Variants in PWWP3A observed in about 807,000 individuals in gnomAD.
PWWP3A encodes PWWP domain-containing DNA repair factor 3A.
A neutral mutation model predicts 79.0 loss-of-function variants in PWWP3A; 53 were observed. The observed-to-expected ratio is 0.67, with a 90% confidence interval of 0.54 to 0.84. The LOEUF is 0.84. Among genes scored for constraint, PWWP3A ranks in the 40% least tolerant of loss-of-function variants. PWWP3A has a pLI of 0.00. For missense variants in PWWP3A, 973 were observed against 948.0 expected (o/e 1.03, Z -0.35); for synonymous variants, 443 against 394.4 (o/e 1.12, Z -1.46).
chr19:1,362,005 G>A (rs547544579), intron 5 of PWWP3A: 60 of 343,610 alleles, frequency 1.7e-4, no homozygotes, highest in African/African-American at 1.1e-3. Context: ...CTTACGGCCC[G>A]CCTTCCCTTC....
intron 1 of PWWP3A, among the ~76,000 whole-genome samples, 176 bp downstream of exon 1, chr19:1,355,311 C>A (rs910152866): frequency 4.6e-5 from 7 of 151,910 alleles, no homozygotes; most frequent in Non-Finnish European, 1.0e-4. Flanking sequence ...GCCGTGGGCC[C>A]CTCACTTTGC....
chr19:1,360,969 TC>T lies in PWWP3A; in HGVS notation c.1051del (p.His351ThrfsTer61). The T allele has an allele frequency of 6.8e-7, 1 of 1,465,298 alleles. No individual in the cohort carries two copies. Among genetic ancestry groups the T allele is most frequent in the Non-Finnish European group, 9.0e-7 (1 of 1,108,636 alleles). The allele number at this position is 1,465,298 out of a possible 1,614,324, so 90.8% of individuals were successfully genotyped here. ...RSTARLGPPP[S>X]HASADATRCL... ...CACCGCCAGGCTGGGCCCGCCTCCC[TC>T]CCACGCCTCTGCGGATGCAACCAGA... On this transcript the variant is annotated frameshift_variant, in exon 5 of 14. Transcript: ENST00000591337. LOFTEE classifies it high-confidence loss of function. The surrounding 1 kb of genome is among the most constrained non-coding windows in gnomAD (Gnocchi z 4.4).
intron 2 of PWWP3A, among the ~76,000 whole-genome samples, 173 bp downstream of exon 2, chr19:1,356,622 T>TC (rs2081874946): frequency 6.6e-6 from 1 of 151,274 alleles, no homozygotes; most frequent in African/African-American, 2.4e-5. Flanking sequence ...GCTTCCAAGG[T>TC]TACACTTCCA....
rs1600138237 is a variant in PWWP3A, at chr19:1,377,512, G to C, written c.*936G>C. ...GGAGGCCCAACCGCGCTCCCGTCTGGAGAAGCGGCTTCCGGGGTGTGGCTG... is the reference window on the plus strand; with the variant it reads ...GGAGGCCCAACCGCGCTCCCGTCTGCAGAAGCGGCTTCCGGGGTGTGGCTG... On this transcript the variant is annotated 3_prime_UTR_variant, in exon 14 of 14. Coordinates refer to ENST00000591337, the MANE Select transcript of PWWP3A (RefSeq NM_001369789.1). 1 of 152,426 alleles carries C rather than the reference G, an allele frequency of 6.6e-6. No individual in the cohort carries two copies. The highest frequency in any genetic ancestry group is 2.4e-5 in the African/African-American group (1 of 41,484). 9.4% of individuals were successfully genotyped at this position (152,426 alleles called of 1,614,324 possible). A position where few individuals can be genotyped will look rare whatever the true frequency, so the allele number is the denominator to read the frequency against.
At chr19:1,363,778 ACACT>A (rs939814171) in intron 6 of PWWP3A, among the ~76,000 whole-genome samples, 1 of 152,178 alleles carries the variant, frequency 6.6e-6, no homozygotes, top group African/African-American at 2.4e-5. Flanking sequence ...TTCACAGCAG[ACACT>A]CACCCCAGTG....
chr19:1,366,795 T>C (rs946224195), intron 8 of PWWP3A, among the ~76,000 whole-genome samples: 1 of 152,242 alleles, frequency 6.6e-6, no homozygotes, highest in Non-Finnish European at 1.5e-5. Context: ...CACACGTGGA[T>C]GGATCAGCCG....
At position 1,370,780 on chromosome 19, in the gene PWWP3A, G is replaced by A. The variant is rs759191509; in HGVS notation, c.1688G>A (p.Arg563His). Reference sequence around the variant, plus strand: ...CCCTGCCGGAAAATGCTCCCCGACCGCTCGCGGGCCGCCCGGGACCGGGCC... The same window carrying A: ...CCCTGCCGGAAAATGCTCCCCGACCACTCGCGGGCCGCCCGGGACCGGGCC... ...RQPCRKMLPD[R>H]SRAARDRANQ... is the part of the protein sequence containing the mutation. The change falls in exon 12 of 14, where the codon CGC becomes CAC. Residue 563 changes from arginine to histidine, a missense_variant. Transcript: ENST00000591337. The A allele has an allele frequency of 1.1e-5, 17 of 1,537,820 alleles. No homozygotes were observed. The highest frequency in any genetic ancestry group is 5.5e-5 in the African/African-American group (4 of 72,986).
intron 3 of PWWP3A, 110 bp from the exon 4 acceptor site, chr19:1,358,284 G>A: frequency 9.5e-7 from 1 of 1,051,398 alleles, no homozygotes; most frequent in Non-Finnish European, 1.4e-6. Context: ...TTAAGTGGAA[G>A]GTTGAGGAGG....
chr19:1,375,529 T>A (rs1408485291), intron 13 of PWWP3A, among the ~76,000 whole-genome samples: 1 of 113,496 alleles, frequency 8.8e-6, no homozygotes, highest in African/African-American at 3.5e-5. Flanking sequence ...ATCATATAAT[T>A]TATATATTTT....
chr19:1,367,719 TG>T (rs1470653593), intron 9 of PWWP3A, among the ~76,000 whole-genome samples: 3 of 152,228 alleles, frequency 2.0e-5, no homozygotes, highest in African/African-American at 4.8e-5. Context: ...TCCTGCTCCC[TG>T]GATCTGCAGC....
rs559951908 is a variant in PWWP3A, at chr19:1,356,700, T to TA, written c.57+253dup. Reference sequence around the variant, plus strand: ...AGCTGTAAAAAGGCATGTAAGGCTGTAACTCAAGGAAAGATCTGGCAAGCA... The same window carrying TA: ...AGCTGTAAAAAGGCATGTAAGGCTGTAAACTCAAGGAAAGATCTGGCAAGCA... On this transcript the variant is annotated intron_variant, in intron 2 of 13. Coordinates refer to ENST00000591337, the MANE Select transcript of PWWP3A (RefSeq NM_001369789.1). 1.3e-4 allele frequency among the ~76,000 whole-genome samples: 20 copies of TA among 151,284 alleles called. No homozygotes were observed. In the South Asian group the frequency reaches 1.5e-3, roughly 11 times the overall value.
chr19:1,367,092 CAG>C lies in PWWP3A; in HGVS notation c.1362-67_1362-66del, dbSNP rs763034966. ...GGCCTCCACTGATCTTAATCAGAGACAGGGAAAGGTTTTTAGCTTATTAGAGG... is the reference window on the plus strand; with the variant it reads ...GGCCTCCACTGATCTTAATCAGAGACGGAAAGGTTTTTAGCTTATTAGAGG... On this transcript the variant is annotated intron_variant, in intron 8 of 13. Coordinates refer to ENST00000591337, the MANE Select transcript of PWWP3A (RefSeq NM_001369789.1). 36 of 1,304,382 alleles carry C rather than the reference CAG, an allele frequency of 2.8e-5. No individual in the cohort carries two copies. In the Admixed American group the frequency reaches 3.4e-4, roughly 12 times the overall value. 80.8% of individuals were successfully genotyped at this position (1,304,382 alleles called of 1,614,324 possible).
At chr19:1,366,180 C>T (rs1568943577) in intron 7 of PWWP3A, 125 bp from the exon 8 acceptor site, 8 of 1,062,214 alleles carry the variant, frequency 7.5e-6, no homozygotes, top group African/African-American at 3.2e-5. Context: ...CGGGAGACTT[C>T]GCTGGGGTCA....
rs2082210967 is a variant in PWWP3A, at chr19:1,369,741, G to T, written c.1549+95G>T. 3.6e-6 allele frequency: 5 copies of T among 1,370,762 alleles called. No individual in the cohort carries two copies. The highest frequency in any genetic ancestry group is 5.2e-6 in the Non-Finnish European group (5 of 958,712). The allele number at this position is 1,370,762 out of a possible 1,614,324, so 84.9% of individuals were successfully genotyped here. On this transcript the variant is annotated intron_variant, in intron 11 of 13. Transcript: ENST00000591337. This position sits in a 1 kb window ranked among gnomAD's most constrained non-coding sequence, Gnocchi z 4.0. ...TCTGAAGCTGTGGAAGGGGACGTTG[G>T]GGTCAAGGCACTGTCCGCAGCCACA...
intron 6 of PWWP3A, among the ~76,000 whole-genome samples, chr19:1,363,177 G>A (rs978177702): frequency 4.6e-5 from 7 of 152,344 alleles, no homozygotes; most frequent in South Asian, 2.1e-4. Context: ...GCCATTCCAC[G>A]CACACTTGCG....
At position 1,362,278 on chromosome 19, in the gene PWWP3A, G is replaced by A. The variant is rs960273449; in HGVS notation, c.1140G>A (p.Gly380=). The change falls in exon 6 of 14, where the codon GGG becomes GGA. Residue 380 remains glycine (G), a synonymous_variant. Coordinates refer to ENST00000591337, the MANE Select transcript of PWWP3A (RefSeq NM_001369789.1). ...GCCAGTCTTCCGAAGAGTCCATGGG[G>A]TCTAATTCCATGCGTTCTATCCTGG... is the stretch of plus-strand genomic sequence containing the variant. ...KECQSSEESM[G]SNSMRSILEE... is the part of the protein sequence containing the mutation. The A allele has an allele frequency of 6.2e-7, 1 of 1,614,066 alleles. No individual in the cohort carries two copies. Among genetic ancestry groups the A allele is most frequent in the African/African-American group, 1.3e-5 (1 of 75,038 alleles).
At chr19:1,372,450 C>CG (rs2082282488) in intron 12 of PWWP3A, 1 of 149,714 alleles carries the variant, frequency 6.7e-6, no homozygotes, top group Non-Finnish European at 1.5e-5. Flanking sequence ...TCAGGATACT[C>CG]TTTTTTTTTT....
At position 1,360,740 on chromosome 19, in the gene PWWP3A, C is replaced by T. The variant is rs755204289; in HGVS notation, c.819C>T (p.Pro273=). ...GTGCCAACGCTGAGGGACACGACCC[C>T]GGTCTGCCGTTGGGCAGCCTCACTG... ...DPCANAEGHD[P]GLPLGSLTAP... Residue 273 remains proline, a synonymous_variant, in exon 5 of 14, where the codon CCC becomes CCT. Transcript: ENST00000591337. The surrounding 1 kb of genome is among the most constrained non-coding windows in gnomAD (Gnocchi z 4.4). 19 of 1,612,520 alleles carry T rather than the reference C, an allele frequency of 1.2e-5. No individual in the cohort carries two copies. Among genetic ancestry groups the T allele is most frequent in the East Asian group, 2.2e-5 (1 of 44,886 alleles).
chr19:1,372,920 T>A, intron 12 of PWWP3A, 152 bp from the exon 13 acceptor site: 1 of 609,706 alleles, frequency 1.6e-6, no homozygotes, highest in East Asian at 2.8e-5. Context: ...CAGGGATTCA[T>A]GGACTAGGTT....
Sources: allele counts gnomAD v4.1 joint callset (sites outside exome capture counted in the v4.1 genomes callset), GRCh38; gene constraint gnomAD v4.1.1; non-coding constraint Gnocchi (gnomAD v3.1); transcripts MANE v1.5; gene names NCBI Gene and HGNC (gene_info 2026-07-23, HGNC 2026-07-21).